The following ETS2 variants were observed in gnomAD, a reference collection of about 807,000 sequenced individuals.
ETS2 encodes protein C-ets-2.
ETS2 carries 19 observed loss-of-function variants against 54.9 expected under a neutral mutation model. The ratio of observed to expected loss-of-function variants is 0.35; its 90% CI spans 0.24 to 0.51. The LOEUF is 0.51. Among genes scored for constraint, ETS2 ranks in the 20% least tolerant of loss-of-function variants. The probability of loss-of-function intolerance (pLI) is 0.97; values close to 1 mark genes in which losing one functional copy is unlikely to be tolerated. For missense variants in ETS2, 417 were observed against 593.0 expected (o/e 0.70, Z 3.08); for synonymous variants, 219 against 229.3 (o/e 0.95, Z 0.41).
chr21:38,810,701 G>A (rs140609069), intron 2 of ETS2, among the ~76,000 whole-genome samples: 1 of 152,282 alleles, frequency 6.6e-6, no homozygotes, highest in African/African-American at 2.4e-5. Flanking sequence ...GCACAAACTG[G>A]TAATCTCCCA....
intron 1 of ETS2, among the ~76,000 whole-genome samples, chr21:38,807,438 T>C (rs60373276): frequency 7.5e-6 from 1 of 133,576 alleles, no homozygotes; most frequent in Non-Finnish European, 1.7e-5. Context: ...TTTTTTTTGG[T>C]TTAAAAGCAG....
upstream of ETS2, chr21:38,805,532 C>T (rs1230079329): frequency 7.8e-7 from 1 of 1,287,014 alleles, no homozygotes; most frequent in East Asian, 5.6e-5. The surrounding 1 kb of genome is among the most constrained non-coding windows in gnomAD (Gnocchi z 5.2). Context: ...CACTCGCGCG[C>T]ACGTGGGGCC....
Position 38,824,885 on chromosome 21 carries a change from A to C in ETS2, c.*1996A>C, listed in dbSNP as rs1044001095. Reference sequence around the variant, plus strand: ...ATAAACCATTGGCATGGTAATAAACAGATCTTAAGTATAAAAATTTTGTAA... The same window carrying C: ...ATAAACCATTGGCATGGTAATAAACCGATCTTAAGTATAAAAATTTTGTAA... On this transcript the variant is annotated 3_prime_UTR_variant, in exon 10 of 10. Coordinates refer to ENST00000360938, the MANE Select transcript of ETS2 (RefSeq NM_005239.6). The C allele has an allele frequency of 4.6e-5, 7 of 152,646 alleles. No individual in the cohort carries two copies. Among genetic ancestry groups the C allele is most frequent in the African/African-American group, 1.4e-4 (6 of 41,464 alleles). 9.5% of individuals were successfully genotyped at this position (152,646 alleles called of 1,614,324 possible).
chr21:38,815,074 G>C (rs937401900), intron 5 of ETS2, 93 bp downstream of exon 5: 1 of 1,262,762 alleles, frequency 7.9e-7, no homozygotes, highest in Non-Finnish European at 1.1e-6. Context: ...TTCAACCTTA[G>C]GGTTGCCACT....
Position 38,814,221 on chromosome 21 carries a change from C to A in ETS2, c.185-52C>A. The A allele has an allele frequency of 6.3e-7, 1 of 1,583,988 alleles. No individual in the cohort carries two copies. Among genetic ancestry groups the A allele is most frequent in the East Asian group, 2.2e-5 (1 of 44,522 alleles). ...TAAGATGTCTCTCCTAAATCTCCACCTGATATCACCAACTTGAAGTCCTAA... is the reference window on the plus strand; with the variant it reads ...TAAGATGTCTCTCCTAAATCTCCACATGATATCACCAACTTGAAGTCCTAA... On this transcript the variant is annotated intron_variant, in intron 3 of 9. Transcript: ENST00000360938. The surrounding 1 kb of genome is among the most constrained non-coding windows in gnomAD (Gnocchi z 4.2).
At position 38,806,092 on chromosome 21, in the gene ETS2, C is replaced by T; in HGVS notation, c.-29C>T. ...GGCGCCGAGCAGCCACCGTCCCGAC[C>T]AAGCGCCGGCCCTGCCCGCAGCGGC... On this transcript the variant is annotated 5_prime_UTR_variant, in exon 1 of 10. Coordinates refer to ENST00000360938, the MANE Select transcript of ETS2 (RefSeq NM_005239.6). This position sits in a 1 kb window ranked among gnomAD's most constrained non-coding sequence, Gnocchi z 4.3. 9.2e-7 allele frequency: 1 copy of T among 1,090,412 alleles called. No individual in the cohort carries two copies. Among genetic ancestry groups the T allele is most frequent in the Non-Finnish European group, 1.1e-6 (1 of 894,444 alleles). 67.5% of individuals were successfully genotyped at this position (1,090,412 alleles called of 1,614,324 possible).
chr21:38,815,053 C>T (rs763117030), intron 5 of ETS2, 72 bp downstream of exon 5: 17 of 1,466,606 alleles, frequency 1.2e-5, no homozygotes, highest in East Asian at 9.1e-5. Flanking sequence ...GGGAAAGTCA[C>T]GTGGGTGTTC....
chr21:38,818,298 G>C (rs939298893), intron 6 of ETS2, 127 bp from the exon 7 acceptor site: 2 of 1,273,666 alleles, frequency 1.6e-6, no homozygotes, highest in African/African-American at 2.9e-5. Context: ...ACCAAAGCCC[G>C]GGTCTCCACT....
chr21:38,807,417 CTTTTT>C (rs369913456), intron 1 of ETS2, among the ~76,000 whole-genome samples: 2 of 133,364 alleles, frequency 1.5e-5, no homozygotes, highest in Non-Finnish European at 3.1e-5. Flanking sequence ...GCTCTTTATC[CTTTTT>C]TTTTTTTTTT....
chr21:38,821,468 C>T lies in ETS2; in HGVS notation c.1076-118C>T. On this transcript the variant is annotated intron_variant, in intron 8 of 9. Transcript: ENST00000360938. This position sits in a 1 kb window ranked among gnomAD's most constrained non-coding sequence, Gnocchi z 4.2. ...CCACCCTGAGTGTAACATCGGAACC[C>T]CATTCAGAGAGTTGGGTCTGCATTC... 3.9e-6 allele frequency: 3 copies of T among 777,308 alleles called. No individual in the cohort carries two copies. The highest frequency in any genetic ancestry group is 1.5e-5 in the South Asian group (1 of 64,806). The allele number at this position is 777,308 out of a possible 1,614,324, so 48.2% of individuals were successfully genotyped here.
chr21:38,819,500 C>T lies in ETS2; in HGVS notation c.812-3C>T. ...AAAGTATGTGTTTGGTTGTCTTTGC[C>T]AGGGACTCCCAAAGACCACGACTCC... On this transcript the variant is annotated splice_region_variant and splice_polypyrimidine_tract_variant and intron_variant, in intron 7 of 9. Coordinates refer to ENST00000360938, the MANE Select transcript of ETS2 (RefSeq NM_005239.6). The T allele has an allele frequency of 6.2e-7, 1 of 1,613,338 alleles. No homozygotes were observed. The highest frequency in any genetic ancestry group is 8.5e-7 in the Non-Finnish European group (1 of 1,179,358).
chr21:38,808,694 A>C (rs936198905), intron 1 of ETS2, among the ~76,000 whole-genome samples: 1 of 152,144 alleles, frequency 6.6e-6, no homozygotes, highest in Non-Finnish European at 1.5e-5. Context: ...AAAACAAGAA[A>C]ATAAATGCAA....
At chr21:38,813,729 C>T (rs758655700) in intron 3 of ETS2, among the ~76,000 whole-genome samples, 1 of 152,168 alleles carries the variant, frequency 6.6e-6, no homozygotes, top group African/African-American at 2.4e-5. Context: ...TTAATTAAAA[C>T]GCATACACTG....
rs1423659780 is a variant in ETS2 at position 38,816,793 on chromosome 21, G to A, written c.506-215G>A. On this transcript the variant is annotated intron_variant, in intron 5 of 9. Coordinates refer to ENST00000360938, the MANE Select transcript of ETS2 (RefSeq NM_005239.6). ...GTTGCCAATGACATCATTCATTTTG[G>A]AAAATTTATTTTAGTAATTGGAAAA... is the stretch of plus-strand genomic sequence containing the variant. Among the ~76,000 whole-genome samples, 2 of 152,158 alleles carry A rather than the reference G, an allele frequency of 1.3e-5. 1 individual carries two copies.
intron 1 of ETS2, among the ~76,000 whole-genome samples, chr21:38,808,323 A>G (rs1196797995): frequency 6.6e-6 from 1 of 152,212 alleles, no homozygotes; most frequent in African/African-American, 2.4e-5. Flanking sequence ...CATTCTGGCA[A>G]TGGCAGCCAT....
intron 3 of ETS2, among the ~76,000 whole-genome samples, chr21:38,813,945 C>A (rs1354107987): frequency 6.6e-6 from 1 of 152,188 alleles, no homozygotes; most frequent in Non-Finnish European, 1.5e-5. Context: ...AGCCTTTTGA[C>A]CAGAAACCAT....
chr21:38,819,456 A>C, intron 7 of ETS2, 47 bp from the exon 8 acceptor site: 1 of 1,598,552 alleles, frequency 6.3e-7, no homozygotes, highest in Non-Finnish European at 8.6e-7. Context: ...CCCAAGACCA[A>C]CTGTGTCCTG....
In ETS2 at chr21:38,823,029, A is replaced by C. The variant is rs75261542; in HGVS notation, c.*140A>C. ...GGCCAAGAAGCAGTGGCCTTATTGC[A>C]TCCCAAACCACGCCTCTTGACCAGG... On this transcript the variant is annotated 3_prime_UTR_variant, in exon 10 of 10. Transcript: ENST00000360938. The C allele has an allele frequency of 2.9e-4, 172 of 591,024 alleles. 2 individuals carry two copies. The highest frequency in any genetic ancestry group is 2.7e-3 in the African/African-American group (144 of 52,688). 36.6% of individuals were successfully genotyped at this position (591,024 alleles called of 1,614,324 possible). A position where few individuals can be genotyped will look rare whatever the true frequency, so the allele number is the denominator to read the frequency against.
chr21:38,822,899 G>A lies in ETS2; in HGVS notation c.*10G>A. On this transcript the variant is annotated 3_prime_UTR_variant, in exon 10 of 10. Coordinates refer to ENST00000360938, the MANE Select transcript of ETS2 (RefSeq NM_005239.6). ...CGACACGGAGGACTGAGGTCGCCGG[G>A]ACCACCCTGAGCCGGCCCCAGGCTC... 6.4e-7 allele frequency: 1 copy of A among 1,555,378 alleles called. No homozygotes were observed. The highest frequency in any genetic ancestry group is 8.7e-7 in the Non-Finnish European group (1 of 1,148,322).
Sources: allele counts gnomAD v4.1 joint callset (sites outside exome capture counted in the v4.1 genomes callset), GRCh38; gene constraint gnomAD v4.1.1; non-coding constraint Gnocchi (gnomAD v3.1); transcripts MANE v1.5; gene names NCBI Gene and HGNC (gene_info 2026-07-23, HGNC 2026-07-21).